Variants in LYPLAL1 observed in about 807,000 individuals in gnomAD.
LYPLAL1 encodes the protein lysophospholipase like 1.
A neutral mutation model predicts 19.7 loss-of-function variants in LYPLAL1; 23 were observed. The observed-to-expected ratio is 1.17, with a 90% CI of 0.84 to 1.65. LYPLAL1 has a LOEUF of 1.65. LYPLAL1 is among the 40% of genes most tolerant of loss of function. LYPLAL1 has a pLI of 0.00. For missense variants in LYPLAL1, 355 were observed against 279.4 expected, an observed-to-expected ratio of 1.27 and a Z score of -1.93; for synonymous variants, 119 against 96.3, an observed-to-expected ratio of 1.24 and a Z score of -1.38.
At chr1:219,374,861 A>G in the LYPLAL1 span, among the ~76,000 whole-genome samples, 2 of 152,174 alleles carry the variant, frequency 1.3e-5, no homozygotes, top group South Asian at 2.1e-4. Context: ...GAGCTCTCCA[A>G]CCAGTCAACA....
chr1:219,280,465 A>G, the LYPLAL1 span, among the ~76,000 whole-genome samples: 11 of 151,992 alleles, frequency 7.2e-5, no homozygotes, highest in South Asian at 2.1e-4. Context: ...ATTTTTACCT[A>G]TTTTTTGAGA....
At chr1:219,439,604 A>C in the LYPLAL1 span, among the ~76,000 whole-genome samples, 1 of 152,154 alleles carries the variant, frequency 6.6e-6, no homozygotes. Flanking sequence ...AATAGTTAGA[A>C]TACTATGGAC....
the LYPLAL1 span, among the ~76,000 whole-genome samples, chr1:219,289,054 C>T: frequency 1.3e-5 from 2 of 148,178 alleles, no homozygotes; most frequent in Non-Finnish European, 3.0e-5. Context: ...CAGAAATGTG[C>T]TGGCACAAGT....
the LYPLAL1 span, among the ~76,000 whole-genome samples, chr1:219,312,402 A>G: frequency 1.3e-5 from 2 of 152,104 alleles, no homozygotes; most frequent in African/African-American, 4.8e-5. Flanking sequence ...TCTCCCTCAA[A>G]ACAAAACCAA....
the LYPLAL1 span, among the ~76,000 whole-genome samples, chr1:219,253,571 T>C: frequency 2.6e-5 from 4 of 151,614 alleles, no homozygotes; most frequent in African/African-American, 9.7e-5. Flanking sequence ...TTAGTTTCCA[T>C]ATAATTGCTT....
chr1:219,391,471 T>C, the LYPLAL1 span, among the ~76,000 whole-genome samples: 1 of 152,210 alleles, frequency 6.6e-6, no homozygotes, highest in Non-Finnish European at 1.5e-5. Context: ...CTGAGAAGAT[T>C]GTGTCTTCAC....
At chr1:219,204,568 A>G (rs1413385704) in intron 3 of LYPLAL1, among the ~76,000 whole-genome samples, 1 of 152,220 alleles carries the variant, frequency 6.6e-6, no homozygotes, top group East Asian at 1.9e-4. Context: ...ATTGGCATCT[A>G]TATTGCACTG....
the LYPLAL1 span, among the ~76,000 whole-genome samples, chr1:219,250,721 T>C: frequency 1.3e-5 from 2 of 152,084 alleles, no homozygotes; most frequent in Non-Finnish European, 2.9e-5. Context: ...GTGTTTAGGT[T>C]GATTTCACGT....
chr1:219,352,890 A>G, the LYPLAL1 span, among the ~76,000 whole-genome samples: 1 of 152,202 alleles, frequency 6.6e-6, no homozygotes, highest in East Asian at 1.9e-4. Context: ...CTCAAATAAA[A>G]TATTTACCAT....
At chr1:219,382,901 A>G in the LYPLAL1 span, among the ~76,000 whole-genome samples, 1 of 152,128 alleles carries the variant, frequency 6.6e-6, no homozygotes, top group African/African-American at 2.4e-5. Flanking sequence ...AACTCCAAAC[A>G]AAGATGGCAT....
the LYPLAL1 span, among the ~76,000 whole-genome samples, chr1:219,334,154 A>G: frequency 6.6e-6 from 1 of 152,032 alleles, no homozygotes; most frequent in Non-Finnish European, 1.5e-5. Flanking sequence ...TGAAAACATT[A>G]CTATAATAGA....
the LYPLAL1 span, among the ~76,000 whole-genome samples, chr1:219,347,474 C>A: frequency 6.6e-6 from 1 of 152,258 alleles, no homozygotes; most frequent in South Asian, 2.1e-4. Flanking sequence ...TTGATGCCTC[C>A]ACAATCACCG....
At chr1:219,323,277 A>T in the LYPLAL1 span, among the ~76,000 whole-genome samples, 1 of 152,152 alleles carries the variant, frequency 6.6e-6, no homozygotes, top group South Asian at 2.1e-4. Flanking sequence ...ATGAACTAGG[A>T]AAAAAAGACC....
At chr1:219,419,875 C>G in the LYPLAL1 span, among the ~76,000 whole-genome samples, 2 of 152,202 alleles carry the variant, frequency 1.3e-5, 1 homozygote, top group South Asian at 4.1e-4. Flanking sequence ...ATGTGTACAG[C>G]TAGCTTCCCA....
At chr1:219,331,239 G>A in the LYPLAL1 span, among the ~76,000 whole-genome samples, 1 of 152,132 alleles carries the variant, frequency 6.6e-6, no homozygotes, top group Non-Finnish European at 1.5e-5. Context: ...ACCATTGCTT[G>A]AAGTCACAGA....
intron 1 of LYPLAL1, chr1:219,174,204 C>T (rs967359646): frequency 7.1e-7 from 1 of 1,409,456 alleles, no homozygotes; most frequent in South Asian, 1.5e-5. Flanking sequence ...GTCCACCACC[C>T]TCGCTTTGGG....
the LYPLAL1 span, among the ~76,000 whole-genome samples, chr1:219,343,617 T>C: frequency 8.6e-4 from 131 of 152,346 alleles, 2 homozygotes; most frequent in South Asian, 0.026. Context: ...AATAGGGATC[T>C]GGGATAGACC....
chr1:219,340,955 G>T, the LYPLAL1 span, among the ~76,000 whole-genome samples: 1 of 152,016 alleles, frequency 6.6e-6, no homozygotes, highest in Admixed American at 6.6e-5. Context: ...GCCCTTCCCA[G>T]CTCTGAGGGC....
the LYPLAL1 span, among the ~76,000 whole-genome samples, chr1:219,311,458 T>C: frequency 6.6e-6 from 1 of 151,922 alleles, no homozygotes; most frequent in African/African-American, 2.4e-5. Context: ...TCAGCATTAT[T>C]CCCCCCATAC....
Sources: allele counts gnomAD v4.1 joint callset (sites outside exome capture counted in the v4.1 genomes callset), GRCh38; gene constraint gnomAD v4.1.1; transcripts MANE v1.5; gene names NCBI Gene and HGNC (gene_info 2026-07-23, HGNC 2026-07-21).